Variants in SLC44A5 observed in about 807,000 individuals in gnomAD.
SLC44A5 encodes the protein solute carrier family 44 member 5.
Under a neutral mutation model 101.8 loss-of-function variants are expected in SLC44A5, and 57 were observed. That is an observed-to-expected ratio of 0.56 (90% CI 0.45 to 0.70). The LOEUF (loss-of-function observed/expected upper bound fraction) is 0.70. Ranked by LOEUF, SLC44A5 falls within the 30% of genes least tolerant of loss-of-function variation. The pLI, the probability that SLC44A5 is intolerant of heterozygous loss-of-function variation, is 0.00. For synonymous variants in SLC44A5, 281 were observed against 290.9 expected (o/e 0.97, Z 0.35); for missense variants, 737 against 853.1 (o/e 0.86, Z 1.70).
intron 4 of SLC44A5, among the ~76,000 whole-genome samples, chr1:75,309,256 C>A (rs762266605): frequency 1.3e-5 from 2 of 152,102 alleles, no homozygotes; most frequent in Non-Finnish European, 2.9e-5. Context: ...CCAGCCTGGG[C>A]AACACAGTGA....
At chr1:75,253,835 A>G (rs1267945371) in intron 6 of SLC44A5, among the ~76,000 whole-genome samples, 1 of 152,100 alleles carries the variant, frequency 6.6e-6, no homozygotes, top group Non-Finnish European at 1.5e-5. Context: ...TTTACATCCT[A>G]CCTTGCCAGA....
At chr1:75,465,838 C>A (rs547456700) in intron 2 of SLC44A5, among the ~76,000 whole-genome samples, 3 of 152,204 alleles carry the variant, frequency 2.0e-5, no homozygotes, top group African/African-American at 7.2e-5. Context: ...AGGAAAAAAT[C>A]CAAAACCTGA....
At chr1:75,520,128 C>T (rs939040014) in intron 2 of SLC44A5, among the ~76,000 whole-genome samples, 1 of 152,264 alleles carries the variant, frequency 6.6e-6, no homozygotes, top group Non-Finnish European at 1.5e-5. Context: ...ACACAATGTC[C>T]TATAAATTGT....
At chr1:75,211,973 AAC>A (rs1366193925) in intron 22 of SLC44A5, among the ~76,000 whole-genome samples, 1 of 151,086 alleles carries the variant, frequency 6.6e-6, no homozygotes, top group Non-Finnish European at 1.5e-5. Flanking sequence ...TCCCTCGGAT[AAC>A]AGTTTATAAG....
At chr1:75,542,127 T>C (rs2101954379) in intron 1 of SLC44A5, among the ~76,000 whole-genome samples, 1 of 152,316 alleles carries the variant, frequency 6.6e-6, no homozygotes, top group South Asian at 2.1e-4. Context: ...TTTTGGTATT[T>C]TTCCTTGCAG....
the SLC44A5 span, among the ~76,000 whole-genome samples, chr1:75,661,387 T>TAAAAAAAAAAAAAAAAA: frequency 7.5e-5 from 4 of 53,612 alleles, no homozygotes; most frequent in Non-Finnish European, 9.2e-5. Flanking sequence ...CTACTGCAAG[T>TAAAAAAAAAAAAAAAAA]AAAAAAAAAA....
At chr1:75,238,159 CTTT>C (rs112497459) in intron 10 of SLC44A5, among the ~76,000 whole-genome samples, 1 of 140,976 alleles carries the variant, frequency 7.1e-6, no homozygotes. Flanking sequence ...TTTTATTTTC[CTTT>C]TTTTTTTTTT....
intron 2 of SLC44A5, among the ~76,000 whole-genome samples, chr1:75,479,330 C>G (rs917483479): frequency 6.6e-6 from 1 of 152,102 alleles, no homozygotes; most frequent in Non-Finnish European, 1.5e-5. Flanking sequence ...CCTAACATCA[C>G]AATTAAAAGA....
chr1:75,386,664 C>T lies in SLC44A5; in HGVS notation c.52+9919G>A, dbSNP rs142170410. ...GTAATTTACAGATTCAATGCCATCC[C>T]TATCAAGCTACCAATGACTTTCTTC... On this transcript the variant is annotated intron_variant, in intron 3 of 23. Transcript: ENST00000370859. Among the ~76,000 whole-genome samples, 1,512 of 152,210 alleles carry T rather than the reference C, an allele frequency of 9.9e-3. 29 individuals carry two copies. Among genetic ancestry groups the T allele is most frequent in the African/African-American group, 0.034 (1,411 of 41,512 alleles).
intron 2 of SLC44A5, among the ~76,000 whole-genome samples, chr1:75,455,604 T>C (rs1384237795): frequency 6.6e-6 from 1 of 152,094 alleles, no homozygotes; most frequent in African/African-American, 2.4e-5. Flanking sequence ...AGAAAATATT[T>C]GCAAACTACA....
chr1:75,214,456 G>C (rs1646921287), intron 20 of SLC44A5, 149 bp downstream of exon 20: 1 of 592,970 alleles, frequency 1.7e-6, no homozygotes, highest in African/African-American at 1.9e-5. Flanking sequence ...TAAATTAATG[G>C]TATGAGAGAG....
At chr1:75,601,730 C>A (rs1449183130) in intron 1 of SLC44A5, among the ~76,000 whole-genome samples, 4 of 152,090 alleles carry the variant, frequency 2.6e-5, no homozygotes, top group South Asian at 2.1e-4. Flanking sequence ...CAATGAAAAT[C>A]TTGCATCTTT....
chr1:75,250,967 T>C (rs1649520597), intron 7 of SLC44A5, among the ~76,000 whole-genome samples: 1 of 152,180 alleles, frequency 6.6e-6, no homozygotes, highest in Non-Finnish European at 1.5e-5. Context: ...TTTATAAAAG[T>C]AAGTGGTTGG....
chr1:75,486,963 C>T (rs1414723830), intron 2 of SLC44A5, among the ~76,000 whole-genome samples: 2 of 152,132 alleles, frequency 1.3e-5, no homozygotes, highest in Non-Finnish European at 2.9e-5. Context: ...GGATTATTTT[C>T]TACATGGGTA....
At chr1:75,513,979 T>G (rs575284550) in intron 2 of SLC44A5, among the ~76,000 whole-genome samples, 2 of 152,238 alleles carry the variant, frequency 1.3e-5, no homozygotes, top group African/African-American at 4.8e-5. Context: ...AGTACAGGCA[T>G]CACACCTGGC....
chr1:75,693,262 A>C, the SLC44A5 span, among the ~76,000 whole-genome samples: 3 of 152,202 alleles, frequency 2.0e-5, no homozygotes, highest in African/African-American at 7.2e-5. Context: ...GCCATCTGAT[A>C]GCAGTTTTCA....
At chr1:75,259,320 T>C (rs935810893) in intron 6 of SLC44A5, among the ~76,000 whole-genome samples, 1 of 152,140 alleles carries the variant, frequency 6.6e-6, no homozygotes, top group Non-Finnish European at 1.5e-5. Context: ...ATAACCAGTA[T>C]AGAGAAGAAC....
At chr1:75,663,273 TG>T in the SLC44A5 span, among the ~76,000 whole-genome samples, 1 of 152,106 alleles carries the variant, frequency 6.6e-6, no homozygotes, top group African/African-American at 2.4e-5. Flanking sequence ...CTTTCATAAA[TG>T]GGATTTATGC....
the SLC44A5 span, among the ~76,000 whole-genome samples, chr1:75,678,606 ATCT>A: frequency 2.0e-5 from 3 of 149,900 alleles, no homozygotes; most frequent in African/African-American, 7.4e-5. Flanking sequence ...CCAAAAACCC[ATCT>A]GTACATCACC....
Sources: allele counts gnomAD v4.1 joint callset (sites outside exome capture counted in the v4.1 genomes callset), GRCh38; gene constraint gnomAD v4.1.1; transcripts MANE v1.5; gene names NCBI Gene and HGNC (gene_info 2026-07-23, HGNC 2026-07-21).